CDYL2: variants seen among roughly 807,000 people sequenced by gnomAD.
CDYL2 encodes the protein chromodomain Y-like protein 2.
A neutral mutation model predicts 49.4 loss-of-function variants in CDYL2; 23 were observed. That is an observed-to-expected ratio of 0.47 (90% CI 0.34 to 0.66). The LOEUF (loss-of-function observed/expected upper bound fraction) is 0.66, where lower values mean the gene tolerates loss of function less well. CDYL2 is among the 30% of genes least tolerant of loss of function. The pLI is 0.01. For synonymous variants in CDYL2, 360 were observed against 268.8 expected (o/e 1.34, Z -3.32); for missense variants, 678 against 656.4 (o/e 1.03, Z -0.36).
chr16:80,672,433 G>T (rs111986255), intron 2 of CDYL2, among the ~76,000 whole-genome samples: 5 of 150,476 alleles, frequency 3.3e-5, no homozygotes, highest in African/African-American at 1.2e-4. Flanking sequence ...GATATCACAG[G>T]ATAAGGTGAT....
intron 1 of CDYL2, among the ~76,000 whole-genome samples, chr16:80,699,955 C>G (rs914135118): frequency 6.6e-6 from 1 of 152,108 alleles, no homozygotes; most frequent in Admixed American, 6.5e-5. Context: ...GCAAGCCCCG[C>G]CTCCCTGATT....
At chr16:80,624,852 G>A (rs2123279) in intron 3 of CDYL2, among the ~76,000 whole-genome samples, 19,537 of 152,176 alleles carry the variant, frequency 0.13, 1,826 homozygotes, top group Admixed American at 0.31. Context: ...GGTGCTAAAG[G>A]GAGCATAAAG....
intron 3 of CDYL2, among the ~76,000 whole-genome samples, chr16:80,629,412 C>T (rs1426789420): frequency 6.6e-6 from 1 of 152,168 alleles, no homozygotes; most frequent in Non-Finnish European, 1.5e-5. Context: ...GACAGGTTTG[C>T]ACATGGGGCC....
chr16:80,771,434 T>C (rs1906901256), intron 1 of CDYL2, among the ~76,000 whole-genome samples: 1 of 152,228 alleles, frequency 6.6e-6, no homozygotes, highest in South Asian at 2.1e-4. Context: ...GCCAGTGCAG[T>C]AGATCACCCC....
chr16:80,645,903 C>A (rs1371517908), intron 2 of CDYL2, among the ~76,000 whole-genome samples: 1 of 145,874 alleles, frequency 6.9e-6, no homozygotes, highest in African/African-American at 2.6e-5. Flanking sequence ...CCAAACACCG[C>A]ATGTTCTCAC....
At position 80,672,609 on chromosome 16, in the gene CDYL2, G is replaced by C. The variant is rs543789488; in HGVS notation, c.616+11929C>G. Among the ~76,000 whole-genome samples the C allele has an allele frequency of 5.7e-5, 8 of 140,966 alleles. No homozygotes were observed. The South Asian group carries it at 8.9e-4, about 16-fold the overall frequency. 92.5% of individuals were successfully genotyped at this position (140,966 alleles called of 152,430 possible). On this transcript the variant is annotated intron_variant, in intron 2 of 6. Transcript: ENST00000570137. The stretch of plus-strand genomic sequence containing the variant: ...GGAAAGGAAAGGAAAGGAAAGGAAA[G>C]GAAAAGAAAGGAAAGGAAAGGAAGA...
At chr16:80,632,870 G>A (rs1302121489) in intron 3 of CDYL2, 149 bp downstream of exon 3, 2 of 663,902 alleles carry the variant, frequency 3.0e-6, no homozygotes, top group East Asian at 5.5e-5. Context: ...GTAAAATGAT[G>A]AGCAAATTGC....
At chr16:80,722,629 A>C (rs1321072278) in intron 1 of CDYL2, among the ~76,000 whole-genome samples, 1 of 152,198 alleles carries the variant, frequency 6.6e-6, no homozygotes, top group Non-Finnish European at 1.5e-5. Context: ...CAAAAAGTCA[A>C]AGTTGCCCAA....
chr16:80,710,209 G>A (rs1319590852), intron 1 of CDYL2, among the ~76,000 whole-genome samples: 1 of 152,138 alleles, frequency 6.6e-6, no homozygotes, highest in Non-Finnish European at 1.5e-5. Flanking sequence ...TTACAGGTGT[G>A]AGCCACCATG....
chr16:80,629,728 C>T (rs963277488), intron 3 of CDYL2, among the ~76,000 whole-genome samples: 4 of 152,194 alleles, frequency 2.6e-5, no homozygotes, highest in Admixed American at 6.5e-5. Context: ...GCCCATGAGG[C>T]CAATCCAACC....
intron 4 of CDYL2, among the ~76,000 whole-genome samples, chr16:80,617,176 G>C (rs1906869334): frequency 6.6e-6 from 1 of 152,206 alleles, no homozygotes; most frequent in African/African-American, 2.4e-5. Flanking sequence ...CATTTGCAGA[G>C]TGATGCGTCC....
intron 1 of CDYL2, among the ~76,000 whole-genome samples, chr16:80,783,539 G>C (rs547140929): frequency 4.6e-5 from 7 of 152,226 alleles, no homozygotes; most frequent in African/African-American, 1.7e-4. Flanking sequence ...ACAGATACTG[G>C]TAAGCCAATA....
At chr16:80,668,117 T>C (rs1254591548) in intron 2 of CDYL2, among the ~76,000 whole-genome samples, 1 of 152,258 alleles carries the variant, frequency 6.6e-6, no homozygotes, top group African/African-American at 2.4e-5. Context: ...GCAGCCCAGA[T>C]GGCCATCACA....
rs192469281 is a variant in CDYL2 at position 80,671,884 on chromosome 16, G to C, written c.616+12654C>G. On this transcript the variant is annotated intron_variant, in intron 2 of 6. Transcript: ENST00000570137. ...CTAGAAAAATAGTCCAGAAAAAAAT[G>C]AAAGAAAACCAAAGATGTTTAGACC... is the stretch of plus-strand genomic sequence containing the variant. 8.9e-3 allele frequency among the ~76,000 whole-genome samples: 1,362 copies of C among 152,256 alleles called. 10 individuals carry two copies. The highest frequency in any genetic ancestry group is 0.014 in the Non-Finnish European group (976 of 67,994).
intron 1 of CDYL2, among the ~76,000 whole-genome samples, chr16:80,730,833 C>T (rs907958039): frequency 1.3e-5 from 2 of 152,220 alleles, no homozygotes; most frequent in East Asian, 1.9e-4. Context: ...AGTAATTATA[C>T]TTAAAGAAGC....
chr16:80,740,776 G>GAAAT (rs1461632625), intron 1 of CDYL2, among the ~76,000 whole-genome samples: 1 of 149,748 alleles, frequency 6.7e-6, no homozygotes, highest in Non-Finnish European at 1.5e-5. Context: ...AAAATGCTTA[G>GAAAT]AAATATATTT....
At position 80,681,066 on chromosome 16, in the gene CDYL2, A is replaced by G. The variant is rs527478800; in HGVS notation, c.616+3472T>C. Among the ~76,000 whole-genome samples the G allele has an allele frequency of 2.6e-5, 4 of 152,304 alleles. No homozygotes were observed. In the East Asian group the frequency reaches 7.7e-4, roughly 29 times the overall value. Reference sequence around the variant, plus strand: ...CCAAAACACCACCCGCCGGAGCCCCAATTTAGCATTTGTTCCACAGTAGAT... The same window carrying G: ...CCAAAACACCACCCGCCGGAGCCCCGATTTAGCATTTGTTCCACAGTAGAT... On this transcript the variant is annotated intron_variant, in intron 2 of 6. Coordinates refer to ENST00000570137, the MANE Select transcript of CDYL2 (RefSeq NM_152342.4).
At chr16:80,732,113 TCA>T (rs1905347599) in intron 1 of CDYL2, among the ~76,000 whole-genome samples, 2 of 152,060 alleles carry the variant, frequency 1.3e-5, no homozygotes, top group South Asian at 4.1e-4. Context: ...ATTATGAGAG[TCA>T]TCATTTTTAT....
chr16:80,647,187 T>C (rs181077639), intron 2 of CDYL2, among the ~76,000 whole-genome samples: 158 of 152,164 alleles, frequency 1.0e-3, no homozygotes, highest in African/African-American at 3.5e-3. Context: ...AACTATAAAA[T>C]ACTGATGAAA....
Sources: gnomAD v4.1 joint callset for allele counts (sites outside exome capture counted in the v4.1 genomes callset) on GRCh38, gnomAD v4.1.1 for gene constraint, MANE v1.5 for transcripts, NCBI Gene and HGNC (gene_info 2026-07-23, HGNC 2026-07-21) for gene names.